Variants in COBLL1 observed in about 807,000 individuals in gnomAD.
The protein encoded by COBLL1 is cordon-bleu protein-like 1.
In COBLL1, 50 loss-of-function variants were observed where a neutral mutation model predicts 94.8. The observed-to-expected ratio is 0.53, with a 90% CI of 0.42 to 0.67. The LOEUF (loss-of-function observed/expected upper bound fraction) is 0.67, where lower values mean the gene tolerates loss of function less well. Among genes scored for constraint, COBLL1 ranks in the 30% least tolerant of loss-of-function variants. The pLI is 0.00. For missense variants in COBLL1, 1,362 were observed against 1,348.7 expected (o/e 1.01, Z -0.15); for synonymous variants, 448 against 473.8 (o/e 0.95, Z 0.71).
chr2:164,780,014 T>G (rs188614095), intron 2 of COBLL1, among the ~76,000 whole-genome samples: 2 of 152,282 alleles, frequency 1.3e-5, no homozygotes, highest in Admixed American at 1.3e-4. Flanking sequence ...CTTTTATAGC[T>G]TAGATAAATA....
At chr2:164,729,500 GA>G (rs932472010) in intron 4 of COBLL1, among the ~76,000 whole-genome samples, 2 of 146,290 alleles carry the variant, frequency 1.4e-5, no homozygotes, top group Admixed American at 1.4e-4. Flanking sequence ...TGAAGAACTC[GA>G]AAAAAAAACA....
chr2:164,719,062 T>C (rs1169218782), intron 7 of COBLL1, among the ~76,000 whole-genome samples: 1 of 152,044 alleles, frequency 6.6e-6, no homozygotes, highest in Non-Finnish European at 1.5e-5. Context: ...GCTTGCCACG[T>C]TGAGAATTTC....
intron 2 of COBLL1, among the ~76,000 whole-genome samples, chr2:164,768,771 T>C (rs1420395560): frequency 6.6e-6 from 1 of 152,178 alleles, no homozygotes; most frequent in African/African-American, 2.4e-5. Flanking sequence ...GTAATATGTA[T>C]TGACAAACGA....
intron 2 of COBLL1, among the ~76,000 whole-genome samples, chr2:164,665,695 T>C (rs1052157613): frequency 6.6e-6 from 1 of 152,180 alleles, no homozygotes; most frequent in African/African-American, 2.4e-5. Context: ...CAAATGTTGT[T>C]TGAGAAATGC....
intron 2 of COBLL1, among the ~76,000 whole-genome samples, chr2:164,764,475 C>G (rs1480182287): frequency 6.6e-6 from 1 of 152,098 alleles, no homozygotes; most frequent in Non-Finnish European, 1.5e-5. Flanking sequence ...TGATTTTCTT[C>G]TTTCAAAAAT....
rs1683605716 is a variant in COBLL1 at position 164,841,373 on chromosome 2, C to T, written c.-50-127G>A. ...CCGGCCGGCCCGCCTCCCGGGTGCG[C>T]TTCCACCTGCGGGCCCCGGCTCCCA... is the stretch of plus-strand genomic sequence containing the variant. On this transcript the variant is annotated intron_variant, in intron 1 of 13. Coordinates refer to ENST00000652658, the MANE Select transcript of COBLL1 (RefSeq NM_001365672.2). The surrounding 1 kb of genome is among the most constrained non-coding windows in gnomAD (Gnocchi z 5.5). 8.4e-7 allele frequency: 1 copy of T among 1,184,174 alleles called. No individual in the cohort carries two copies. Among genetic ancestry groups the T allele is most frequent in the Admixed American group, 4.5e-5 (1 of 22,082 alleles). 73.4% of individuals were successfully genotyped at this position (1,184,174 alleles called of 1,614,324 possible). A position where few individuals can be genotyped will look rare whatever the true frequency, so the allele number is the denominator to read the frequency against.
chr2:164,687,660 C>G lies in COBLL1; in HGVS notation c.3301-1628G>C, dbSNP rs1282869548. 11 of 830,098 alleles carry G rather than the reference C, an allele frequency of 1.3e-5. 1 individual carries two copies. Among genetic ancestry groups the G allele is most frequent in the East Asian group, 9.8e-5 (4 of 40,750 alleles). The allele number at this position is 830,098 out of a possible 1,614,324, so 51.4% of individuals were successfully genotyped here. A position where few individuals can be genotyped will look rare whatever the true frequency, so the allele number is the denominator to read the frequency against. On this transcript the variant is annotated intron_variant, in intron 13 of 13. Transcript: ENST00000652658. The stretch of plus-strand genomic sequence containing the variant: ...TCTGAAAGGCCTATTATCAAGGTCC[C>G]TTAGAGCAACCTATAGAGGAAACAG...
At chr2:164,838,163 T>A (rs564207190) in intron 2 of COBLL1, among the ~76,000 whole-genome samples, 41 of 152,318 alleles carry the variant, frequency 2.7e-4, no homozygotes, top group African/African-American at 8.9e-4. Context: ...CAGCCACTAT[T>A]TCTGCACACC....
intron 2 of COBLL1, among the ~76,000 whole-genome samples, chr2:164,753,075 G>A (rs1454278275): frequency 2.6e-5 from 4 of 152,160 alleles, no homozygotes; most frequent in Non-Finnish European, 5.9e-5. Context: ...TTCCCAGGGA[G>A]TTCTTCCTAT....
intron 7 of COBLL1, among the ~76,000 whole-genome samples, chr2:164,706,938 C>T (rs1291324756): frequency 6.6e-6 from 1 of 152,134 alleles, no homozygotes; most frequent in African/African-American, 2.4e-5. Context: ...AGTCCATTAA[C>T]AACCCGGTGT....
downstream of COBLL1, chr2:164,680,109 T>G (rs1682968142): frequency 6.6e-6 from 1 of 152,036 alleles, no homozygotes; most frequent in Admixed American, 6.6e-5. Flanking sequence ...ACTAACATTC[T>G]TAATGGGTGG....
chr2:164,815,854 C>T (rs1047677131), intron 2 of COBLL1, among the ~76,000 whole-genome samples: 1 of 152,114 alleles, frequency 6.6e-6, no homozygotes, highest in African/African-American at 2.4e-5. Context: ...AAAAAACACA[C>T]AACTATTTGA....
At chr2:164,818,783 CATAT>C (rs1559047147) in intron 2 of COBLL1, among the ~76,000 whole-genome samples, 1 of 117,550 alleles carries the variant, frequency 8.5e-6, no homozygotes, top group African/African-American at 2.9e-5. Context: ...TATATATATA[CATAT>C]AATTTTTTTT....
At chr2:164,829,145 T>G (rs1682936073) in intron 2 of COBLL1, among the ~76,000 whole-genome samples, 4 of 152,218 alleles carry the variant, frequency 2.6e-5, no homozygotes, top group Admixed American at 2.6e-4. Flanking sequence ...AGTTTAATTT[T>G]GGATGAAATA....
At chr2:164,757,111 C>T (rs1558986042) in intron 2 of COBLL1, among the ~76,000 whole-genome samples, 2 of 152,048 alleles carry the variant, frequency 1.3e-5, no homozygotes, top group Non-Finnish European at 2.9e-5. Context: ...TAAAAATCTC[C>T]CCAAGAGATT....
intron 7 of COBLL1, among the ~76,000 whole-genome samples, chr2:164,711,816 CAG>C (rs1177967945): frequency 1.3e-5 from 2 of 152,224 alleles, no homozygotes; most frequent in Admixed American, 6.5e-5. Flanking sequence ...TGAGAAAACA[CAG>C]AGGTTTCTAC....
chr2:164,736,845 A>G (rs1686336601), intron 3 of COBLL1, among the ~76,000 whole-genome samples: 1 of 152,216 alleles, frequency 6.6e-6, no homozygotes, highest in Non-Finnish European at 1.5e-5. Context: ...ATGGGTGTAC[A>G]TATATGTGCA....
chr2:164,816,717 A>T (rs934750485), intron 2 of COBLL1, among the ~76,000 whole-genome samples: 1 of 152,174 alleles, frequency 6.6e-6, no homozygotes, highest in African/African-American at 2.4e-5. Flanking sequence ...ACTTATCAAC[A>T]TGCATGACCA....
intron 2 of COBLL1, chr2:164,773,668 T>C (rs1688320442): frequency 1.1e-6 from 1 of 877,672 alleles, no homozygotes; most frequent in African/African-American, 1.8e-5. Context: ...TAGGAAAGGT[T>C]AAATTATTTT....
Sources: gnomAD v4.1 joint callset for allele counts (sites outside exome capture counted in the v4.1 genomes callset) on GRCh38, gnomAD v4.1.1 for gene constraint, Gnocchi (gnomAD v3.1) non-coding constraint, MANE v1.5 for transcripts, NCBI Gene and HGNC (gene_info 2026-07-23, HGNC 2026-07-21) for gene names.